Variants in LINGO2 observed in about 807,000 individuals in gnomAD.
The protein encoded by LINGO2 is leucine-rich repeat and immunoglobulin-like domain-containing nogo receptor-interacting protein 2.
A neutral mutation model predicts 30.6 loss-of-function variants in LINGO2; 14 were observed. The observed-to-expected ratio is 0.46, with a 90% CI of 0.30 to 0.72. The LOEUF is 0.72. Ranked by LOEUF, LINGO2 falls within the 30% of genes least tolerant of loss-of-function variation. The pLI, the probability that LINGO2 is intolerant of heterozygous loss-of-function variation, is 0.07. For synonymous variants in LINGO2, 317 were observed against 288.5 expected, an observed-to-expected ratio of 1.10 and a Z score of -1.00; for missense variants, 729 against 751.7, an observed-to-expected ratio of 0.97 and a Z score of 0.35.
intron 1 of LINGO2, among the ~76,000 whole-genome samples, chr9:28,606,543 T>A (rs1172453932): frequency 2.0e-5 from 3 of 152,082 alleles, no homozygotes; most frequent in Non-Finnish European, 2.9e-5. Flanking sequence ...TAATACAGAC[T>A]GAGGGAAATT....
the LINGO2 span, among the ~76,000 whole-genome samples, chr9:29,033,803 C>T: frequency 2.0e-5 from 3 of 152,084 alleles, no homozygotes; most frequent in African/African-American, 7.2e-5. Flanking sequence ...ATATTTGCCA[C>T]TTCGCATGTC....
chr9:29,083,691 G>T, the LINGO2 span, among the ~76,000 whole-genome samples: 11 of 151,960 alleles, frequency 7.2e-5, no homozygotes, highest in East Asian at 2.1e-3. Context: ...GAACTCTGAA[G>T]TTCACACTAA....
intron 4 of LINGO2, among the ~76,000 whole-genome samples, chr9:28,232,642 A>G (rs1017529595): frequency 1.3e-5 from 2 of 152,034 alleles, no homozygotes; most frequent in Non-Finnish European, 2.9e-5. Flanking sequence ...CACTCTCTTA[A>G]CAATTTTCAA....
the LINGO2 span, among the ~76,000 whole-genome samples, chr9:29,053,802 T>C: frequency 3.3e-5 from 5 of 152,090 alleles, no homozygotes; most frequent in African/African-American, 1.2e-4. Context: ...ATGAAATTTG[T>C]ATTTTCAAGA....
chr9:28,819,154 C>G, the LINGO2 span, among the ~76,000 whole-genome samples: 1 of 152,250 alleles, frequency 6.6e-6, no homozygotes, highest in African/African-American at 2.4e-5. Context: ...CAGAGCTTCC[C>G]TTCCATAATC....
the LINGO2 span, among the ~76,000 whole-genome samples, chr9:28,687,067 C>T: frequency 1.3e-5 from 2 of 151,970 alleles, no homozygotes; most frequent in African/African-American, 4.8e-5. Flanking sequence ...AAAAATGCAC[C>T]TGGACAAATA....
intron 3 of LINGO2, among the ~76,000 whole-genome samples, chr9:28,356,658 C>T (rs184457635): frequency 6.6e-6 from 1 of 152,248 alleles, no homozygotes; most frequent in Non-Finnish European, 1.5e-5. Flanking sequence ...AAATGTTCTA[C>T]CACCTGAATT....
the LINGO2 span, among the ~76,000 whole-genome samples, chr9:28,911,422 A>C: frequency 6.6e-6 from 1 of 151,960 alleles, no homozygotes; most frequent in Non-Finnish European, 1.5e-5. Flanking sequence ...CATATAAAAA[A>C]TTTTCTATAA....
intron 1 of LINGO2, among the ~76,000 whole-genome samples, chr9:28,528,060 GT>G (rs1020776550): frequency 3.9e-5 from 6 of 152,068 alleles, no homozygotes; most frequent in Non-Finnish European, 8.8e-5. Context: ...CTGATGTCAT[GT>G]TTTTCTCAAT....
At chr9:28,635,825 T>A (rs1827237561) in intron 1 of LINGO2, among the ~76,000 whole-genome samples, 3 of 151,938 alleles carry the variant, frequency 2.0e-5, no homozygotes, top group Admixed American at 2.0e-4. Flanking sequence ...TGTTTGTCTG[T>A]TTGTTTGTTT....
the LINGO2 span, among the ~76,000 whole-genome samples, chr9:28,900,845 C>T: frequency 1.1e-4 from 16 of 152,072 alleles, no homozygotes; most frequent in South Asian, 4.1e-4. Flanking sequence ...ATTTATTAAC[C>T]GCCTAGCAAA....
chr9:29,067,958 T>C, the LINGO2 span, among the ~76,000 whole-genome samples: 2 of 151,668 alleles, frequency 1.3e-5, no homozygotes, highest in African/African-American at 4.8e-5. Context: ...GACTATCGAT[T>C]GGGGGAATAT....
At chr9:28,605,924 T>C (rs1002524544) in intron 1 of LINGO2, among the ~76,000 whole-genome samples, 8 of 152,064 alleles carry the variant, frequency 5.3e-5, no homozygotes, top group African/African-American at 1.9e-4. Flanking sequence ...TTAGGGAAAA[T>C]CTTTGCCATT....
At chr9:28,293,881 C>T (rs545675198) in intron 4 of LINGO2, among the ~76,000 whole-genome samples, 17 of 152,278 alleles carry the variant, frequency 1.1e-4, no homozygotes, top group Admixed American at 3.9e-4. Context: ...GCATAGAACT[C>T]GGTTTCACTT....
the LINGO2 span, among the ~76,000 whole-genome samples, chr9:29,114,662 T>C: frequency 6.6e-6 from 1 of 150,820 alleles, no homozygotes; most frequent in East Asian, 2.0e-4. Context: ...GATTGGTTTT[T>C]TTGTCCTTGC....
chr9:28,510,051 G>GCCCTGTAT (rs1820308133), intron 1 of LINGO2, among the ~76,000 whole-genome samples: 1 of 152,176 alleles, frequency 6.6e-6, no homozygotes, highest in African/African-American at 2.4e-5. Context: ...GCAGCTTACT[G>GCCCTGTAT]CCCTGTATTT....
At chr9:28,992,794 T>G in the LINGO2 span, among the ~76,000 whole-genome samples, 1 of 151,958 alleles carries the variant, frequency 6.6e-6, no homozygotes, top group South Asian at 2.1e-4. Flanking sequence ...AAGGCAGAAA[T>G]AAAGATGTTC....
chr9:28,355,261 G>GTCTCTC (rs113486172), intron 3 of LINGO2, among the ~76,000 whole-genome samples: 3 of 136,914 alleles, frequency 2.2e-5, no homozygotes, highest in Non-Finnish European at 3.1e-5. Flanking sequence ...CTCTGTCTCT[G>GTCTCTC]TCTCTCTCTC....
At chr9:28,808,200 A>T in the LINGO2 span, among the ~76,000 whole-genome samples, 1 of 152,200 alleles carries the variant, frequency 6.6e-6, no homozygotes, top group Admixed American at 6.5e-5. Context: ...ATTACACATA[A>T]TCTTGTGATG....
Sources: gnomAD v4.1 joint callset for allele counts (sites outside exome capture counted in the v4.1 genomes callset) on GRCh38, gnomAD v4.1.1 for gene constraint, MANE v1.5 for transcripts, NCBI Gene and HGNC (gene_info 2026-07-23, HGNC 2026-07-21) for gene names.